ADK: variants seen among roughly 807,000 people sequenced by gnomAD.
ADK encodes the protein adenosine kinase.
ADK carries 24 observed loss-of-function variants against 44.7 expected under a neutral mutation model. That is an observed-to-expected ratio of 0.54 (90% confidence interval 0.39 to 0.76). ADK has a LOEUF of 0.76. Ranked by LOEUF, ADK falls within the 30% of genes least tolerant of loss-of-function variation. The pLI is 0.00. For synonymous variants in ADK, 128 were observed against 142.6 expected, an observed-to-expected ratio of 0.90 and a Z score of 0.73; for missense variants, 321 against 425.1, an observed-to-expected ratio of 0.76 and a Z score of 2.15.
At chr10:74,256,302 T>C (rs1013841860) in intron 3 of ADK, among the ~76,000 whole-genome samples, 8 of 152,204 alleles carry the variant, frequency 5.3e-5, no homozygotes, top group Non-Finnish European at 8.8e-5. Flanking sequence ...TGGTCAAATT[T>C]GCAGTTTTGA....
chr10:74,389,644 A>G (rs547966339), intron 4 of ADK, among the ~76,000 whole-genome samples: 2 of 152,138 alleles, frequency 1.3e-5, no homozygotes, highest in East Asian at 3.9e-4. Context: ...ATGACTTTTG[A>G]GTGGAAATCA....
chr10:74,366,157 T>C (rs1842491393), intron 4 of ADK, among the ~76,000 whole-genome samples: 1 of 152,196 alleles, frequency 6.6e-6, no homozygotes, highest in African/African-American at 2.4e-5. Context: ...TTTTGACTTT[T>C]GATGTTATCT....
At chr10:74,680,079 C>G (rs973147657) in intron 10 of ADK, among the ~76,000 whole-genome samples, 1 of 152,104 alleles carries the variant, frequency 6.6e-6, no homozygotes, top group South Asian at 2.1e-4. Flanking sequence ...CTTTGGGAGG[C>G]CAAGACGGGC....
intron 9 of ADK, among the ~76,000 whole-genome samples, chr10:74,602,105 C>CAAAAAAAAA (rs58400071): frequency 4.1e-5 from 2 of 48,786 alleles, no homozygotes; most frequent in African/African-American, 8.6e-5. Flanking sequence ...ACCCTGTCTC[C>CAAAAAAAAA]AAAAAAAAAA....
At chr10:74,625,904 A>G (rs551075584) in intron 9 of ADK, among the ~76,000 whole-genome samples, 1 of 152,282 alleles carries the variant, frequency 6.6e-6, no homozygotes, top group South Asian at 2.1e-4. Context: ...TTTTTTATTC[A>G]AAGAAAAAGG....
chr10:74,387,645 G>T (rs1367298919), intron 4 of ADK, among the ~76,000 whole-genome samples: 1 of 152,158 alleles, frequency 6.6e-6, no homozygotes, highest in Non-Finnish European at 1.5e-5. Context: ...CCCCTCCACT[G>T]CAGTTGATCT....
intron 4 of ADK, among the ~76,000 whole-genome samples, chr10:74,326,325 G>T (rs1841008588): frequency 6.6e-6 from 1 of 151,924 alleles, no homozygotes; most frequent in Non-Finnish European, 1.5e-5. Flanking sequence ...TTGGTAGGGT[G>T]TGTTGGCTTA....
chr10:74,483,463 C>T (rs1045466287), intron 6 of ADK, among the ~76,000 whole-genome samples: 2 of 152,186 alleles, frequency 1.3e-5, no homozygotes, highest in Admixed American at 6.5e-5. Context: ...CCCACTGTCT[C>T]GGCTATTAAC....
intron 6 of ADK, among the ~76,000 whole-genome samples, chr10:74,431,600 G>A (rs1845001138): frequency 6.6e-6 from 1 of 152,112 alleles, no homozygotes; most frequent in African/African-American, 2.4e-5. Context: ...AATTAGCCAG[G>A]TGTGGTAGCT....
intron 3 of ADK, among the ~76,000 whole-genome samples, chr10:74,302,930 A>G (rs1289644734): frequency 6.6e-6 from 1 of 152,146 alleles, no homozygotes; most frequent in Non-Finnish European, 1.5e-5. Context: ...TTCTGTGGGA[A>G]ATATGAATTT....
Position 74,708,466 on chromosome 10 carries a change from G to T in ADK, c.*21G>T. On this transcript the variant is annotated 3_prime_UTR_variant, in exon 11 of 11. Coordinates refer to ENST00000539909, the MANE Select transcript of ADK (RefSeq NM_006721.4). ...ACTGATGGAAGAGCTGAAAACACAA[G>T]CCCAGGAGTGCAGACACTGCCCTAA... is the stretch of plus-strand genomic sequence containing the variant. The T allele has an allele frequency of 6.2e-7, 1 of 1,607,198 alleles. No homozygotes were observed.
At chr10:74,683,218 C>G (rs1169938048) in intron 10 of ADK, among the ~76,000 whole-genome samples, 1 of 152,150 alleles carries the variant, frequency 6.6e-6, no homozygotes, top group Non-Finnish European at 1.5e-5. Flanking sequence ...CTGTGAACAT[C>G]TAAGTAAGTG....
chr10:74,187,913 AATT>A (rs1842815550), intron 1 of ADK, among the ~76,000 whole-genome samples: 1 of 152,146 alleles, frequency 6.6e-6, no homozygotes, highest in Admixed American at 6.5e-5. Flanking sequence ...ACACTGTCTT[AATT>A]ATTGTAGCTT....
intron 6 of ADK, among the ~76,000 whole-genome samples, chr10:74,466,589 T>C (rs1846367104): frequency 6.6e-6 from 1 of 152,154 alleles, no homozygotes; most frequent in Non-Finnish European, 1.5e-5. Context: ...CTTGCAGCAC[T>C]CGCAAGTCCC....
chr10:74,574,150 C>T (rs1169726133), intron 7 of ADK, among the ~76,000 whole-genome samples: 2 of 151,692 alleles, frequency 1.3e-5, no homozygotes, highest in African/African-American at 4.8e-5. Flanking sequence ...GCCATCTTGG[C>T]TCCGCTACTT....
intron 7 of ADK, among the ~76,000 whole-genome samples, chr10:74,587,388 G>C (rs1032578167): frequency 6.6e-6 from 1 of 152,176 alleles, no homozygotes; most frequent in Admixed American, 6.5e-5. Context: ...AGTAAATAGC[G>C]TAAGGAGTTG....
At chr10:74,250,945 T>C (rs1845629727) in intron 3 of ADK, among the ~76,000 whole-genome samples, 1 of 152,154 alleles carries the variant, frequency 6.6e-6, no homozygotes, top group Non-Finnish European at 1.5e-5. Context: ...TCTCATTATG[T>C]TGCCCAGGCT....
intron 3 of ADK, among the ~76,000 whole-genome samples, chr10:74,233,284 A>G (rs1844845755): frequency 6.6e-6 from 1 of 152,192 alleles, no homozygotes; most frequent in African/African-American, 2.4e-5. Context: ...TAGGTTAATG[A>G]ATTGCGTGTT....
intron 8 of ADK, among the ~76,000 whole-genome samples, chr10:74,599,141 G>A (rs1276075655): frequency 1.3e-5 from 2 of 152,266 alleles, no homozygotes; most frequent in East Asian, 3.9e-4. Flanking sequence ...AACCGAAAGC[G>A]AAATAGTCAG....
Sources: allele counts gnomAD v4.1 joint callset (sites outside exome capture counted in the v4.1 genomes callset), GRCh38; gene constraint gnomAD v4.1.1; transcripts MANE v1.5; gene names NCBI Gene and HGNC (gene_info 2026-07-23, HGNC 2026-07-21).